Variants in HGF observed in about 807,000 individuals in gnomAD.
HGF encodes the protein hepatocyte growth factor.
Under a neutral mutation model 111.6 loss-of-function variants are expected in HGF, and 39 were observed. That is an observed-to-expected ratio of 0.35 (90% CI 0.27 to 0.46). The LOEUF is 0.46. Ranked by LOEUF, HGF falls within the 20% of genes least tolerant of loss-of-function variation. The probability of loss-of-function intolerance (pLI) is 1.00; values close to 1 mark genes in which losing one functional copy is unlikely to be tolerated. For synonymous variants in HGF, 285 were observed against 294.8 expected (o/e 0.97, Z 0.34); for missense variants, 735 against 910.5 (o/e 0.81, Z 2.48).
intron 5 of HGF, among the ~76,000 whole-genome samples, chr7:81,750,126 C>T (rs1788430955): frequency 6.6e-6 from 1 of 152,056 alleles, no homozygotes; most frequent in Non-Finnish European, 1.5e-5. Flanking sequence ...TATCATGTCA[C>T]ATTATTTTGT....
At chr7:81,761,279 T>C (rs1789063466) in intron 2 of HGF, among the ~76,000 whole-genome samples, 1 of 152,192 alleles carries the variant, frequency 6.6e-6, no homozygotes, top group Non-Finnish European at 1.5e-5. Flanking sequence ...GCAAAGTCAA[T>C]TCCCACTCCT....
chr7:81,714,596 A>G (rs962787705), intron 11 of HGF, among the ~76,000 whole-genome samples: 1 of 152,148 alleles, frequency 6.6e-6, no homozygotes, highest in Non-Finnish European at 1.5e-5. Flanking sequence ...CTAAAATAGT[A>G]TACTAACTGT....
chr7:81,708,524 C>CTTTTTTTTTTTTTTTTT (rs3081099), intron 13 of HGF, among the ~76,000 whole-genome samples: 3 of 72,488 alleles, frequency 4.1e-5, no homozygotes, highest in African/African-American at 5.7e-5. Flanking sequence ...TTCCTTCCTT[C>CTTTTTTTTTTTTTTTTT]TTTTTTTTTT....
chr7:81,739,753 A>G (rs1416782815), intron 7 of HGF, among the ~76,000 whole-genome samples: 6 of 152,122 alleles, frequency 3.9e-5, no homozygotes, highest in African/African-American at 4.8e-5. Context: ...ATCTATGCCC[A>G]AAGGCCCCTA....
At chr7:81,743,036 G>T in intron 7 of HGF, 1 of 1,137,518 alleles carries the variant, frequency 8.8e-7, no homozygotes, top group Non-Finnish European at 1.3e-6. Flanking sequence ...ACTTTGTGAT[G>T]CTGCACACAT....
intron 1 of HGF, among the ~76,000 whole-genome samples, chr7:81,767,388 G>A (rs1230526551): frequency 2.0e-5 from 3 of 152,026 alleles, no homozygotes; most frequent in Non-Finnish European, 4.4e-5. Flanking sequence ...GATAACTGAG[G>A]TCTTTGAACC....
rs563590612 is a variant in HGF at position 81,749,488 on chromosome 7, C to T, written c.625+2632G>A. Among the ~76,000 whole-genome samples, 130 of 152,034 alleles carry T rather than the reference C, an allele frequency of 8.6e-4. 1 individual carries two copies. The highest frequency in any genetic ancestry group is 6.3e-4 in the Non-Finnish European group (43 of 67,954). On this transcript the variant is annotated intron_variant, in intron 5 of 17. Coordinates refer to ENST00000222390, the MANE Select transcript of HGF (RefSeq NM_000601.6). ...CCAATAAAAGTCTACATATTATGTA[C>T]GACATGATGTTTTGAAGCATATATA...
chr7:81,727,276 C>G (rs1202181572), intron 8 of HGF, among the ~76,000 whole-genome samples: 5 of 151,664 alleles, frequency 3.3e-5, no homozygotes, highest in Non-Finnish European at 7.4e-5. Context: ...ATCTCCTGAC[C>G]TGGTGATCTG....
chr7:81,707,249 T>G (rs750290140), intron 14 of HGF, 41 bp downstream of exon 14: 7 of 1,150,884 alleles, frequency 6.1e-6, no homozygotes, highest in Non-Finnish European at 7.9e-6. Context: ...ACATACACAT[T>G]TTAAAGGCTC....
chr7:81,765,869 A>C (rs2116262684), intron 1 of HGF, among the ~76,000 whole-genome samples: 1 of 152,352 alleles, frequency 6.6e-6, no homozygotes, highest in Non-Finnish European at 1.5e-5. Flanking sequence ...TCTTTGGATC[A>C]GATTTTTCCC....
intron 7 of HGF, among the ~76,000 whole-genome samples, chr7:81,741,648 A>T (rs1213601780): frequency 6.6e-6 from 1 of 151,306 alleles, no homozygotes; most frequent in African/African-American, 2.4e-5. Context: ...TTATAAGAGT[A>T]CCTAAACCGG....
intron 12 of HGF, among the ~76,000 whole-genome samples, chr7:81,711,170 T>C (rs1789560981): frequency 6.6e-6 from 1 of 152,178 alleles, no homozygotes; most frequent in African/African-American, 2.4e-5. Context: ...TCATGGTATA[T>C]ATAAAGGTGG....
At chr7:81,739,569 AC>A (rs35748500) in intron 7 of HGF, among the ~76,000 whole-genome samples, 126,026 of 152,010 alleles carry the variant, frequency 0.83, 52,831 homozygotes, top group African/African-American at 0.95. Flanking sequence ...GGGTTTTTAA[AC>A]CCCAGGGCAA....
chr7:81,746,571 A>C (rs1378088912), intron 5 of HGF, among the ~76,000 whole-genome samples: 1 of 152,218 alleles, frequency 6.6e-6, no homozygotes, highest in South Asian at 2.1e-4. Flanking sequence ...TGAAATGTAC[A>C]ATAGAGTACT....
intron 7 of HGF, among the ~76,000 whole-genome samples, chr7:81,735,524 T>A (rs926285083): frequency 1.7e-4 from 26 of 152,084 alleles, no homozygotes; most frequent in African/African-American, 5.3e-4. Flanking sequence ...AAGAAAATAA[T>A]TTGTAAAAAT....
chr7:81,768,688 G>C (rs1045871031), intron 1 of HGF, among the ~76,000 whole-genome samples: 2 of 152,098 alleles, frequency 1.3e-5, no homozygotes, highest in African/African-American at 4.8e-5. Flanking sequence ...CCTGTGAAGC[G>C]ATTTTAACAT....
Position 81,720,703 on chromosome 7 carries a change from T to C in HGF, c.1271+42A>G, listed in dbSNP as rs1332520987. On this transcript the variant is annotated intron_variant, in intron 10 of 17. Transcript: ENST00000222390. ...CATATCTAAATACACAGTCTGTTGG[T>C]ATCACTACATTCTATATATTGAAAG... is the stretch of plus-strand genomic sequence containing the variant. 5 of 1,030,698 alleles carry C rather than the reference T, an allele frequency of 4.9e-6. No homozygotes were observed. In the Admixed American group the frequency reaches 5.1e-5, roughly 11 times the overall value. 63.8% of individuals were successfully genotyped at this position (1,030,698 alleles called of 1,614,324 possible). A position where few individuals can be genotyped will look rare whatever the true frequency, so the allele number is the denominator to read the frequency against.
chr7:81,738,798 T>C (rs1380185496), intron 7 of HGF, among the ~76,000 whole-genome samples: 1 of 152,152 alleles, frequency 6.6e-6, no homozygotes. Context: ...TAGGCCTTGG[T>C]CTGTTTTATT....
At chr7:81,746,355 T>C (rs1305334899) in intron 5 of HGF, among the ~76,000 whole-genome samples, 2 of 148,230 alleles carry the variant, frequency 1.3e-5, no homozygotes, top group Non-Finnish European at 2.9e-5. Flanking sequence ...ATGAGTGGAG[T>C]CCATGAGCAT....
Sources: allele counts gnomAD v4.1 joint callset (sites outside exome capture counted in the v4.1 genomes callset), GRCh38; gene constraint gnomAD v4.1.1; transcripts MANE v1.5; gene names NCBI Gene and HGNC (gene_info 2026-07-23, HGNC 2026-07-21).